FLT3: variants seen among roughly 807,000 people sequenced by gnomAD.
The protein encoded by FLT3 is fms related receptor tyrosine kinase 3, also known as receptor-type tyrosine-protein kinase FLT3.
FLT3 carries 46 observed loss-of-function variants against 126.6 expected under a neutral mutation model. That is an observed-to-expected ratio of 0.36 (90% CI 0.29 to 0.46). The LOEUF (loss-of-function observed/expected upper bound fraction) is 0.46. Ranked by LOEUF, FLT3 falls within the 20% of genes least tolerant of loss-of-function variation. The pLI is 1.00. For missense variants in FLT3, 1,069 were observed against 1,190.3 expected (o/e 0.90, Z 1.50); for synonymous variants, 404 against 434.4 (o/e 0.93, Z 0.87).
At chr13:28,075,581 C>T (rs963465861) in intron 1 of FLT3, among the ~76,000 whole-genome samples, 6 of 151,684 alleles carry the variant, frequency 4.0e-5, no homozygotes, top group Non-Finnish European at 7.4e-5. Flanking sequence ...AAAAATTAGC[C>T]GGGTGAAGTG....
intron 1 of FLT3, among the ~76,000 whole-genome samples, chr13:28,091,248 G>A (rs1397413884): frequency 2.1e-5 from 2 of 97,394 alleles, no homozygotes; most frequent in Admixed American, 1.4e-4. Context: ...TTGAGACGGA[G>A]TCTCGCTCTG....
intron 17 of FLT3, among the ~76,000 whole-genome samples, chr13:28,025,945 C>T (rs1872755686): frequency 6.6e-6 from 1 of 152,108 alleles, no homozygotes; most frequent in African/African-American, 2.4e-5. Flanking sequence ...GAAAACAAAG[C>T]CGGGACTCTC....
At chr13:28,038,211 C>T (rs1333274791) in intron 9 of FLT3, among the ~76,000 whole-genome samples, 2 of 152,166 alleles carry the variant, frequency 1.3e-5, no homozygotes, top group Non-Finnish European at 2.9e-5. Context: ...AATATTTTGA[C>T]ACAGATAACC....
At chr13:28,043,447 G>A (rs903763665) in intron 9 of FLT3, among the ~76,000 whole-genome samples, 1 of 152,178 alleles carries the variant, frequency 6.6e-6, no homozygotes, top group African/African-American at 2.4e-5. Context: ...GAGATTTCTG[G>A]TGCACATACC....
At chr13:28,035,763 A>G (rs1873780476) in intron 11 of FLT3, 90 bp from the exon 12 acceptor site, 2 of 1,368,262 alleles carry the variant, frequency 1.5e-6, no homozygotes, top group Non-Finnish European at 2.0e-6. Flanking sequence ...AAAGAGATTC[A>G]TCCAGTATAA....
intron 15 of FLT3, among the ~76,000 whole-genome samples, chr13:28,033,615 C>T (rs2137671234): frequency 6.6e-6 from 1 of 152,240 alleles, no homozygotes; most frequent in Non-Finnish European, 1.5e-5. Context: ...TACTGTACTC[C>T]AGCCTAGGTG....
At chr13:28,087,937 C>T (rs12428920) in intron 1 of FLT3, among the ~76,000 whole-genome samples, 25,566 of 152,110 alleles carry the variant, frequency 0.17, 2,368 homozygotes, top group Middle Eastern at 0.27. Flanking sequence ...GTTATAATAA[C>T]CGTTTTAATT....
chr13:28,015,645 G>C lies in FLT3; in HGVS notation c.2598C>G (p.Thr866=), dbSNP rs771026522. 3.7e-6 allele frequency: 6 copies of C among 1,613,666 alleles called. No individual in the cohort carries two copies. The highest frequency in any genetic ancestry group is 1.3e-5 in the African/African-American group (1 of 74,982). ...APESLFEGIY[T]IKSDVWSYGI... is the part of the protein sequence containing the mutation. ...CATATGACCAGACATCACTCTTAATGGTGTAGATGCCTTCAAACAGGCTTT... is the reference window on the plus strand; with the variant it reads ...CATATGACCAGACATCACTCTTAATCGTGTAGATGCCTTCAAACAGGCTTT... Residue 866 remains threonine, a synonymous_variant, in exon 21 of 24, where the codon ACC becomes ACG. Transcript: ENST00000241453.
Position 28,035,524 on chromosome 13 carries a change from G to A in FLT3, c.1568C>T (p.Ser523Phe). 1 of 1,613,918 alleles carries A rather than the reference G, an allele frequency of 6.2e-7. No homozygotes were observed. Among genetic ancestry groups the A allele is most frequent in the Non-Finnish European group, 8.5e-7 (1 of 1,179,972 alleles). Residue 523 changes from serine to phenylalanine, a missense_variant, in exon 12 of 24, where the codon TCT becomes TTT. By Grantham distance (155) the Ser-to-Phe change is radical. Coordinates refer to ENST00000241453, the MANE Select transcript of FLT3 (RefSeq NM_004119.3). ...AGAGTTTAAAAGGATCGTCTCACAAGATGTGCCAAGGGAATTGTATGCACA... is the reference window on the plus strand; with the variant it reads ...AGAGTTTAAAAGGATCGTCTCACAAAATGTGCCAAGGGAATTGTATGCACA... ...KCCAYNSLGT[S>F]CETILLNSPG...
intron 4 of FLT3, among the ~76,000 whole-genome samples, chr13:28,053,770 T>TG (rs912624278): frequency 6.6e-6 from 1 of 151,750 alleles, no homozygotes; most frequent in African/African-American, 2.4e-5. Flanking sequence ...TTTATTCATT[T>TG]TTTTTTTTAC....
intron 9 of FLT3, among the ~76,000 whole-genome samples, chr13:28,042,884 A>G (rs898099789): frequency 6.6e-6 from 1 of 151,706 alleles, no homozygotes; most frequent in Non-Finnish European, 1.5e-5. Flanking sequence ...TAGGAAAAAA[A>G]AAAAAAACAA....
intron 23 of FLT3, among the ~76,000 whole-genome samples, chr13:28,005,379 C>T (rs1471773907): frequency 2.0e-5 from 3 of 152,198 alleles, no homozygotes; most frequent in Non-Finnish European, 2.9e-5. Context: ...CCATTATAGA[C>T]AGCTTGCTAT....
At chr13:28,085,696 A>C (rs976952296) in intron 1 of FLT3, among the ~76,000 whole-genome samples, 14 of 152,228 alleles carry the variant, frequency 9.2e-5, no homozygotes, top group Middle Eastern at 3.4e-3. Context: ...CTTTGTTTCT[A>C]GCAATATTCT....
intron 3 of FLT3, among the ~76,000 whole-genome samples, chr13:28,057,922 C>G (rs1432964606): frequency 1.3e-5 from 2 of 151,648 alleles, no homozygotes; most frequent in Admixed American, 6.6e-5. Flanking sequence ...GCCTGTAATC[C>G]CAGCTACTCA....
At chr13:28,015,340 T>A (rs1871746241) in intron 21 of FLT3, 84 bp from the exon 22 acceptor site, 1 of 962,538 alleles carries the variant, frequency 1.0e-6, no homozygotes, top group Admixed American at 2.0e-5. Context: ...CGTATTGAGA[T>A]CTGCCATGTG....
Position 28,085,217 on chromosome 13 carries a change from G to A in FLT3, c.44-14605C>T, listed in dbSNP as rs551618701. Among the ~76,000 whole-genome samples the A allele has an allele frequency of 6.6e-5, 10 of 151,330 alleles. No homozygotes were observed. In the East Asian group the frequency reaches 9.8e-4, roughly 15 times the overall value. On this transcript the variant is annotated intron_variant, in intron 1 of 23. Coordinates refer to ENST00000241453, the MANE Select transcript of FLT3 (RefSeq NM_004119.3). The stretch of plus-strand genomic sequence containing the variant: ...AAATTAGCTGGGCCTGGTGGCGCAC[G>A]CCTATAGTTCCAGCTACTCGGGAGG...
intron 15 of FLT3, 49 bp downstream of exon 15, chr13:28,033,838 G>T: frequency 7.5e-7 from 1 of 1,336,442 alleles, no homozygotes; most frequent in Non-Finnish European, 1.1e-6. Flanking sequence ...GGGAAACTGT[G>T]CCTCCCATTT....
At chr13:28,023,931 T>C (rs1872602543) in intron 18 of FLT3, among the ~76,000 whole-genome samples, 1 of 151,192 alleles carries the variant, frequency 6.6e-6, no homozygotes, top group African/African-American at 2.4e-5. Context: ...TCATGCTAAT[T>C]TTTTGTATTT....
chr13:28,026,942 A>T, intron 17 of FLT3, 146 bp downstream of exon 17: 2 of 697,962 alleles, frequency 2.9e-6, no homozygotes, highest in Non-Finnish European at 5.0e-6. Context: ...CAGGGAAACT[A>T]TAGCAAAGAT....
Sources: allele counts gnomAD v4.1 joint callset (sites outside exome capture counted in the v4.1 genomes callset), GRCh38; gene constraint gnomAD v4.1.1; transcripts MANE v1.5; gene names NCBI Gene and HGNC (gene_info 2026-07-23, HGNC 2026-07-21).